The following ADAT2 variants were observed in gnomAD, a reference collection of about 807,000 sequenced individuals.
ADAT2 encodes adenosine deaminase tRNA specific 2, also known as tRNA-specific adenosine-34 deaminase catalytic subunit ADAT2.
ADAT2 carries 26 observed loss-of-function variants against 25.9 expected under a neutral mutation model. The observed-to-expected ratio is 1.00, with a 90% CI of 0.74 to 1.39. The LOEUF is 1.39. ADAT2 is among the 40% of genes most tolerant of loss of function. ADAT2 has a pLI of 0.00. For synonymous variants in ADAT2, 76 were observed against 86.8 expected, an observed-to-expected ratio of 0.88 and a Z score of 0.69; for missense variants, 220 against 244.8, an observed-to-expected ratio of 0.90 and a Z score of 0.68.
chr6:143,439,346 C>CAAAAAAAAAA (rs35250658), intron 1 of ADAT2, among the ~76,000 whole-genome samples: 9 of 111,512 alleles, frequency 8.1e-5, no homozygotes, highest in South Asian at 3.1e-4. Flanking sequence ...TATGTGTCTA[C>CAAAAAAAAAA]AAAAAAAAAA....
At chr6:143,435,595 A>G (rs954869575) in intron 2 of ADAT2, among the ~76,000 whole-genome samples, 3 of 152,210 alleles carry the variant, frequency 2.0e-5, no homozygotes, top group Admixed American at 6.5e-5. Flanking sequence ...TCATACACAA[A>G]ATGCAAATTG....
chr6:143,437,008 G>A lies in ADAT2; in HGVS notation c.201+1582C>T, dbSNP rs985270087. Among the ~76,000 whole-genome samples, 6 of 152,068 alleles carry A rather than the reference G, an allele frequency of 3.9e-5. No individual in the cohort carries two copies. Among genetic ancestry groups the A allele is most frequent in the African/African-American group, 1.2e-4 (5 of 41,402 alleles). On this transcript the variant is annotated intron_variant, in intron 2 of 5. Transcript: ENST00000237283. This position sits in a 1 kb window ranked among gnomAD's most constrained non-coding sequence, Gnocchi z 4.1. ...TGTGAAATACTATATTTTTATTTAA[G>A]TGTCTTTTTTCTTTCTAATTCTACA...
chr6:143,436,417 G>T lies in ADAT2; in HGVS notation c.201+2173C>A. 3.7e-6 allele frequency: 1 copy of T among 273,746 alleles called. No individual in the cohort carries two copies. The highest frequency in any genetic ancestry group is 4.3e-5 in the South Asian group (1 of 23,078). 17.0% of individuals were successfully genotyped at this position (273,746 alleles called of 1,614,324 possible). A position where few individuals can be genotyped will look rare whatever the true frequency, so the allele number is the denominator to read the frequency against. ...CTTTGCTGACTGGATCCCCTACAAT[G>T]GGAAAACAGCTTTCTGGGACATCCC... On this transcript the variant is annotated intron_variant, in intron 2 of 5. Coordinates refer to ENST00000237283, the MANE Select transcript of ADAT2 (RefSeq NM_182503.3). The surrounding 1 kb of genome is among the most constrained non-coding windows in gnomAD (Gnocchi z 4.1).
chr6:143,441,824 G>A (rs188076909), intron 1 of ADAT2: 3 of 152,270 alleles, frequency 2.0e-5, no homozygotes, highest in Admixed American at 2.0e-4. Flanking sequence ...AGCCGGTAGA[G>A]AAATGTCAAC....
rs187581567 is a variant in ADAT2, at chr6:143,428,383, T to C, written c.*80A>G. 9.6e-6 allele frequency: 14 copies of C among 1,462,030 alleles called. No homozygotes were observed. In the African/African-American group the frequency reaches 1.0e-4, roughly 10 times the overall value. 90.6% of individuals were successfully genotyped at this position (1,462,030 alleles called of 1,614,324 possible). A position where few individuals can be genotyped will look rare whatever the true frequency, so the allele number is the denominator to read the frequency against. On this transcript the variant is annotated 3_prime_UTR_variant, in exon 6 of 6. Coordinates refer to ENST00000237283, the MANE Select transcript of ADAT2 (RefSeq NM_182503.3). The surrounding 1 kb of genome is among the most constrained non-coding windows in gnomAD (Gnocchi z 5.0). ...TTAAAAACAATATATAAACATATGA[T>C]TCAACGATGTCAACAGCTTTCAGTC...
rs1779614389 is a variant in ADAT2, at chr6:143,446,859, T to A, written c.96+3704A>T. 6.6e-6 allele frequency among the ~76,000 whole-genome samples: 1 copy of A among 152,188 alleles called. No homozygotes were observed. The highest frequency in any genetic ancestry group is 6.5e-5 in the Admixed American group (1 of 15,286). On this transcript the variant is annotated intron_variant, in intron 1 of 5. Coordinates refer to ENST00000237283, the MANE Select transcript of ADAT2 (RefSeq NM_182503.3). This position sits in a 1 kb window ranked among gnomAD's most constrained non-coding sequence, Gnocchi z 5.0. ...CCTGATAGGGCTTCTGTGGGGCTTA[T>A]AACATGGCCCACATGAAAACACTGT...
At chr6:143,429,822 C>A (rs1779054627) in intron 4 of ADAT2, among the ~76,000 whole-genome samples, 1 of 152,144 alleles carries the variant, frequency 6.6e-6, no homozygotes, top group African/African-American at 2.4e-5. Context: ...AACGAACCTC[C>A]CATTCTCCTG....
Position 143,436,431 on chromosome 6 carries a change from C to T in ADAT2, c.201+2159G>A, listed in dbSNP as rs1364071176. ...TCCCCTACAATGGGAAAACAGCTTT[C>T]TGGGACATCCCATCCGCAGGACTAA... On this transcript the variant is annotated intron_variant, in intron 2 of 5. Transcript: ENST00000237283. This position sits in a 1 kb window ranked among gnomAD's most constrained non-coding sequence, Gnocchi z 4.1. The T allele has an allele frequency of 7.2e-6, 2 of 276,738 alleles. No homozygotes were observed. The highest frequency in any genetic ancestry group is 3.5e-5 in the Admixed American group (1 of 28,636). The allele number at this position is 276,738 out of a possible 1,614,324, so 17.1% of individuals were successfully genotyped here.
In ADAT2 at chr6:143,450,570, A is replaced by C. The variant is rs1403204590; in HGVS notation, c.89T>G (p.Met30Arg). Reference sequence around the variant, plus strand: ...ACCTCCCGGGCTCCTCACCATGTGCATCGCCTCCTCCATCCACTTTTCGGT... The same window carrying C: ...ACCTCCCGGGCTCCTCACCATGTGCCTCGCCTCCTCCATCCACTTTTCGGT... The part of the protein sequence containing the change: ...EETEKWMEEA[M>R]HMAKEALENT... The change falls in exon 1 of 6, where the codon ATG (methionine) becomes AGG (arginine). Residue 30 changes from methionine to arginine, a missense_variant. By Grantham distance (91) the Met-to-Arg change is moderately conservative. Transcript: ENST00000237283. The C allele has an allele frequency of 5.0e-6, 8 of 1,614,092 alleles. No homozygotes were observed. The highest frequency in any genetic ancestry group is 6.8e-6 in the Non-Finnish European group (8 of 1,180,014).
chr6:143,438,881 T>C (rs1779373529), intron 1 of ADAT2, among the ~76,000 whole-genome samples, 187 bp from the exon 2 acceptor site: 1 of 152,176 alleles, frequency 6.6e-6, no homozygotes, highest in Admixed American at 6.5e-5. Flanking sequence ...TGTGTCCATG[T>C]TAAGGGAGAC....
rs1336107717 is a variant in ADAT2 at position 143,423,579 on chromosome 6, G to C, written c.*4884C>G. 6.6e-6 allele frequency: 1 copy of C among 152,108 alleles called. No individual in the cohort carries two copies. Among genetic ancestry groups the C allele is most frequent in the African/African-American group, 2.4e-5 (1 of 41,404 alleles). The allele number at this position is 152,108 out of a possible 1,614,324, so 9.4% of individuals were successfully genotyped here. A position where few individuals can be genotyped will look rare whatever the true frequency, so the allele number is the denominator to read the frequency against. ...AGTGATAGGTTTTAAAACTATCGCA[G>C]GTTTTAAAACTATCCCAACAAGAGG... On this transcript the variant is annotated 3_prime_UTR_variant, in exon 6 of 6. Coordinates refer to ENST00000237283, the MANE Select transcript of ADAT2 (RefSeq NM_182503.3).
Position 143,446,983 on chromosome 6 carries a change from T to C in ADAT2, c.96+3580A>G, listed in dbSNP as rs12215709. On this transcript the variant is annotated intron_variant, in intron 1 of 5. Transcript: ENST00000237283. The surrounding 1 kb of genome is among the most constrained non-coding windows in gnomAD (Gnocchi z 5.0). ...TCTTTAGAATGTTATGCTGAACATG[T>C]TATGATGATTAAAATGATAACCTAT... Among the ~76,000 whole-genome samples the C allele has an allele frequency of 0.24, 36,240 of 152,146 alleles. 4,800 individuals are homozygous for C. The highest frequency in any genetic ancestry group is 0.3 in the Admixed American group (4,630 of 15,298).
rs929097577 is a variant in ADAT2, at chr6:143,438,878, A to G, written c.97-184T>C. 7.2e-5 allele frequency among the ~76,000 whole-genome samples: 11 copies of G among 152,210 alleles called. 2 individuals carry two copies. The highest frequency in any genetic ancestry group is 1.9e-4 in the East Asian group (1 of 5,178). On this transcript the variant is annotated intron_variant, in intron 1 of 5. Coordinates refer to ENST00000237283, the MANE Select transcript of ADAT2 (RefSeq NM_182503.3). ...AGTGCCCGTGTTCTGTGTTGTGTCCATGTTAAGGGAGACTCAAAAAAAATC... is the reference window on the plus strand; with the variant it reads ...AGTGCCCGTGTTCTGTGTTGTGTCCGTGTTAAGGGAGACTCAAAAAAAATC...
In ADAT2 at chr6:143,424,843, T is replaced by G. The variant is rs1327148688; in HGVS notation, c.*3620A>C. On this transcript the variant is annotated 3_prime_UTR_variant, in exon 6 of 6. Transcript: ENST00000237283. The surrounding 1 kb of genome is among the most constrained non-coding windows in gnomAD (Gnocchi z 4.8). ...TGTCATTAATTTTCCTCCTCTCCTT[T>G]CCATCAGTGTCAAATACATTTTCTG... 2 of 152,210 alleles carry G rather than the reference T, an allele frequency of 1.3e-5. No individual in the cohort carries two copies. Among genetic ancestry groups the G allele is most frequent in the Non-Finnish European group, 2.9e-5 (2 of 68,046 alleles). 9.4% of individuals were successfully genotyped at this position (152,210 alleles called of 1,614,324 possible). A position where few individuals can be genotyped will look rare whatever the true frequency, so the allele number is the denominator to read the frequency against.
chr6:143,432,449 C>T lies in ADAT2; in HGVS notation c.459+56G>A. ...GCCACACACTAGTTATTCACAAGCC[C>T]ATAAAGAGATGAAAATAATTAGCAA... On this transcript the variant is annotated intron_variant, in intron 4 of 5. Transcript: ENST00000237283. This position sits in a 1 kb window ranked among gnomAD's most constrained non-coding sequence, Gnocchi z 4.4. 1 of 1,480,272 alleles carries T rather than the reference C, an allele frequency of 6.8e-7. No individual in the cohort carries two copies. The highest frequency in any genetic ancestry group is 9.4e-7 in the Non-Finnish European group (1 of 1,059,888). 91.7% of individuals were successfully genotyped at this position (1,480,272 alleles called of 1,614,324 possible). A position where few individuals can be genotyped will look rare whatever the true frequency, so the allele number is the denominator to read the frequency against.
chr6:143,422,918 A>G lies in ADAT2; in HGVS notation c.*5545T>C, dbSNP rs1196318647. 1 of 152,250 alleles carries G rather than the reference A, an allele frequency of 6.6e-6. No homozygotes were observed. Among genetic ancestry groups the G allele is most frequent in the Non-Finnish European group, 1.5e-5 (1 of 68,050 alleles). 9.4% of individuals were successfully genotyped at this position (152,250 alleles called of 1,614,324 possible). A position where few individuals can be genotyped will look rare whatever the true frequency, so the allele number is the denominator to read the frequency against. On this transcript the variant is annotated 3_prime_UTR_variant, in exon 6 of 6. Transcript: ENST00000237283. This position sits in a 1 kb window ranked among gnomAD's most constrained non-coding sequence, Gnocchi z 4.3. ...TCCTTGCCACTCTCTTAAAATGTATACAAGGAAATAAAACATTCTAAGCCA... is the reference window on the plus strand; with the variant it reads ...TCCTTGCCACTCTCTTAAAATGTATGCAAGGAAATAAAACATTCTAAGCCA...
In ADAT2 at chr6:143,440,244, A is replaced by T. The variant is rs1779417655; in HGVS notation, c.97-1550T>A. Among the ~76,000 whole-genome samples, 1 of 152,210 alleles carries T rather than the reference A, an allele frequency of 6.6e-6. No individual in the cohort carries two copies. The highest frequency in any genetic ancestry group is 1.5e-5 in the Non-Finnish European group (1 of 68,042). ...GAAGACTTGATTCTCACTTAAGTGC[A>T]GGTACTTACACACATCATAGGGCAT... On this transcript the variant is annotated intron_variant, in intron 1 of 5. Coordinates refer to ENST00000237283, the MANE Select transcript of ADAT2 (RefSeq NM_182503.3). This position sits in a 1 kb window ranked among gnomAD's most constrained non-coding sequence, Gnocchi z 4.5.
Position 143,428,695 on chromosome 6 carries a change from G to A in ADAT2, c.460-11C>T. 6.2e-7 allele frequency: 1 copy of A among 1,612,918 alleles called. No homozygotes were observed. ...ATATCCAGGGATACACTGATGGAAT[G>A]AGAAAGTTGAGAATAAACATAGGCC... On this transcript the variant is annotated splice_polypyrimidine_tract_variant and intron_variant, in intron 4 of 5. Transcript: ENST00000237283. This position sits in a 1 kb window ranked among gnomAD's most constrained non-coding sequence, Gnocchi z 5.0.
chr6:143,423,279 A>G lies in ADAT2; in HGVS notation c.*5184T>C, dbSNP rs1483691047. The G allele has an allele frequency of 1.3e-5, 2 of 152,254 alleles. No homozygotes were observed. Among genetic ancestry groups the G allele is most frequent in the South Asian group, 2.1e-4 (1 of 4,836 alleles). The allele number at this position is 152,254 out of a possible 1,614,324, so 9.4% of individuals were successfully genotyped here. On this transcript the variant is annotated 3_prime_UTR_variant, in exon 6 of 6. Coordinates refer to ENST00000237283, the MANE Select transcript of ADAT2 (RefSeq NM_182503.3). ...AACAAATGGGCATGGCTGTCATCCA[A>G]TGTAACTTTATTTATGGACACTGAA...
Sources: allele counts gnomAD v4.1 joint callset (sites outside exome capture counted in the v4.1 genomes callset), GRCh38; gene constraint gnomAD v4.1.1; non-coding constraint Gnocchi (gnomAD v3.1); transcripts MANE v1.5; gene names NCBI Gene and HGNC (gene_info 2026-07-23, HGNC 2026-07-21).